The following ELL variants were observed in gnomAD, a reference collection of about 807,000 sequenced individuals.
ELL encodes RNA polymerase II elongation factor ELL.
ELL carries 18 observed loss-of-function variants against 64.0 expected under a neutral mutation model. The ratio of observed to expected loss-of-function variants is 0.28; its 90% confidence interval spans 0.19 to 0.42. The LOEUF (loss-of-function observed/expected upper bound fraction) is 0.42. ELL is among the 10% of genes least tolerant of loss of function. ELL has a pLI of 1.00. For synonymous variants in ELL, 399 were observed against 376.2 expected (o/e 1.06, Z -0.70); for missense variants, 797 against 870.4 (o/e 0.92, Z 1.06).
At chr19:18,472,550 C>T in intron 2 of ELL, 1 of 436,712 alleles carries the variant, frequency 2.3e-6, no homozygotes, top group Non-Finnish European at 4.1e-6. Context: ...GGGTTGGGGG[C>T]CCCTGCCCTA....
chr19:18,459,802 A>ATTG (rs1368409270), intron 5 of ELL, among the ~76,000 whole-genome samples: 7 of 152,232 alleles, frequency 4.6e-5, no homozygotes, highest in African/African-American at 1.4e-4. Context: ...CTGGGATTAC[A>ATTG]GGCGTGAGCC....
At chr19:18,471,849 G>A (rs1975071192) in intron 2 of ELL, among the ~76,000 whole-genome samples, 1 of 152,168 alleles carries the variant, frequency 6.6e-6, no homozygotes, top group African/African-American at 2.4e-5. Context: ...GAGTTTCTAT[G>A]AACCTCTCTC....
At chr19:18,465,596 C>T (rs2144919939) in intron 3 of ELL, 21 bp from the exon 4 acceptor site, 3 of 1,567,568 alleles carry the variant, frequency 1.9e-6, no homozygotes, top group South Asian at 2.3e-5. Flanking sequence ...AGGCCAGGAG[C>T]TGGGGTCAGC....
At chr19:18,476,456 T>C (rs1975177799) in intron 1 of ELL, among the ~76,000 whole-genome samples, 1 of 151,928 alleles carries the variant, frequency 6.6e-6, no homozygotes, top group African/African-American at 2.4e-5. Flanking sequence ...TGACAGGCCT[T>C]GAACACACTG....
intron 1 of ELL, among the ~76,000 whole-genome samples, chr19:18,491,741 CCT>C (rs1195927897): frequency 4.0e-5 from 6 of 151,830 alleles, no homozygotes; most frequent in Non-Finnish European, 7.4e-5. Context: ...ATAGTGAGAC[CCT>C]GTCTCTACAA....
At chr19:18,458,178 A>G (rs1479304653) in intron 6 of ELL, 27 bp downstream of exon 6, 1 of 1,604,388 alleles carries the variant, frequency 6.2e-7, no homozygotes, top group Non-Finnish European at 8.5e-7. Flanking sequence ...GGGTGGGGAC[A>G]TGCTGGGGGA....
intron 1 of ELL, among the ~76,000 whole-genome samples, chr19:18,484,026 G>A (rs4808807): frequency 0.32 from 48,289 of 152,134 alleles, 9,575 homozygotes; most frequent in African/African-American, 0.56. Flanking sequence ...AGGGAAAGAC[G>A]CTGTCGTATG....
intron 1 of ELL, among the ~76,000 whole-genome samples, chr19:18,509,593 GCACATACA>G (rs1192084722): frequency 0.018 from 1,511 of 83,204 alleles, 52 homozygotes; most frequent in Non-Finnish European, 0.024. Flanking sequence ...GCGCGCGCGC[GCACATACA>G]CACACACACA....
At chr19:18,510,227 G>C (rs573463438) in intron 1 of ELL, among the ~76,000 whole-genome samples, 2 of 152,204 alleles carry the variant, frequency 1.3e-5, no homozygotes, top group Non-Finnish European at 2.9e-5. Flanking sequence ...AAACTTAGCT[G>C]GGCATTGTGG....
chr19:18,456,788 G>C (rs1166968781), intron 6 of ELL, among the ~76,000 whole-genome samples: 1 of 152,134 alleles, frequency 6.6e-6, no homozygotes, highest in East Asian at 1.9e-4. Context: ...GGCTCCTGCA[G>C]TGACTTGGGC....
chr19:18,502,886 G>A (rs1975809764), intron 1 of ELL, among the ~76,000 whole-genome samples: 1 of 152,224 alleles, frequency 6.6e-6, no homozygotes, highest in Non-Finnish European at 1.5e-5. Flanking sequence ...GGGCCACCTG[G>A]CCGGGTGTGC....
In ELL at chr19:18,450,726, G is replaced by A. The variant is rs1217135261; in HGVS notation, c.1216C>T (p.His406Tyr). The A allele has an allele frequency of 3.4e-5, 54 of 1,585,922 alleles. No individual in the cohort carries two copies. Among genetic ancestry groups the A allele is most frequent in the Non-Finnish European group, 4.6e-5 (54 of 1,166,954 alleles). The change falls in exon 8 of 12, where the codon CAC (histidine) becomes TAC (tyrosine). Residue 406 changes from histidine (H) to tyrosine (Y), a missense_variant. By Grantham distance (83) the His-to-Tyr change is moderately conservative (BLOSUM62 2). Transcript: ENST00000262809. Reference sequence around the variant, plus strand: ...CCGTGCTCACAGTCTCGGCCGCTGTGGCCCAGGTCATTGCTGACATCGGCC... The same window carrying A: ...CCGTGCTCACAGTCTCGGCCGCTGTAGCCCAGGTCATTGCTGACATCGGCC... ...PLADVSNDLG[H>Y]SGRDCEHGEA...
chr19:18,503,462 G>A (rs1331383075), intron 1 of ELL, among the ~76,000 whole-genome samples: 1 of 152,242 alleles, frequency 6.6e-6, no homozygotes, highest in African/African-American at 2.4e-5. Flanking sequence ...ATCCCAGGCA[G>A]GATGTGGGCT....
At chr19:18,465,338 G>A in intron 4 of ELL, 74 bp downstream of exon 4, 1 of 1,516,484 alleles carries the variant, frequency 6.6e-7, no homozygotes, top group Non-Finnish European at 8.8e-7. Context: ...TGCCCAGCCT[G>A]GACAGGCCCC....
chr19:18,498,614 C>G (rs1175176808), intron 1 of ELL, among the ~76,000 whole-genome samples: 1 of 152,170 alleles, frequency 6.6e-6, no homozygotes, highest in Non-Finnish European at 1.5e-5. Flanking sequence ...AGCAGCTGGG[C>G]TGGCCTCTCA....
chr19:18,513,766 C>A (rs368095110), intron 1 of ELL, among the ~76,000 whole-genome samples: 3 of 151,890 alleles, frequency 2.0e-5, no homozygotes, highest in East Asian at 3.9e-4. Context: ...CCTGTCTCTA[C>A]TAAAAACACA....
intron 1 of ELL, among the ~76,000 whole-genome samples, chr19:18,504,828 A>T (rs1217733109): frequency 6.6e-6 from 1 of 152,148 alleles, no homozygotes; most frequent in Non-Finnish European, 1.5e-5. Flanking sequence ...CTCTCCACGG[A>T]GCCCTGCCAC....
chr19:18,519,215 G>A (rs1228610671), intron 1 of ELL, among the ~76,000 whole-genome samples: 1 of 148,608 alleles, frequency 6.7e-6, no homozygotes, highest in East Asian at 2.0e-4. Context: ...CTGGACAACA[G>A]AGCAAGACTC....
intron 1 of ELL, among the ~76,000 whole-genome samples, chr19:18,514,222 C>A (rs923761681): frequency 2.6e-5 from 4 of 151,938 alleles, no homozygotes; most frequent in Non-Finnish European, 5.9e-5. Context: ...CATTAAAAAG[C>A]AAAGTGACAG....
Sources: allele counts gnomAD v4.1 joint callset (sites outside exome capture counted in the v4.1 genomes callset), GRCh38; gene constraint gnomAD v4.1.1; transcripts MANE v1.5; gene names NCBI Gene and HGNC (gene_info 2026-07-23, HGNC 2026-07-21).